CROCC2: variants seen among roughly 807,000 people sequenced by gnomAD.
The protein encoded by CROCC2 is ciliary rootlet coiled-coil, rootletin family member 2, also known as ciliary rootlet coiled-coil protein 2.
In CROCC2, 163 loss-of-function variants were observed where a neutral mutation model predicts 177.6. The ratio of observed to expected loss-of-function variants is 0.92; its 90% confidence interval spans 0.81 to 1.05. CROCC2 has a LOEUF of 1.05. Among genes scored for constraint, CROCC2 ranks in the 50% least tolerant of loss-of-function variants. The pLI, the probability that CROCC2 is intolerant of heterozygous loss-of-function variation, is 0.00. For synonymous variants in CROCC2, 904 were observed against 787.3 expected, an observed-to-expected ratio of 1.15 and a Z score of -2.48; for missense variants, 1,929 against 1,797.8, an observed-to-expected ratio of 1.07 and a Z score of -1.32.
chr2:240,944,835 C>A (rs1173862056), intron 14 of CROCC2, among the ~76,000 whole-genome samples: 1 of 152,106 alleles, frequency 6.6e-6, no homozygotes, highest in Non-Finnish European at 1.5e-5. Context: ...TAGGCCAGAT[C>A]TTGATTAGTC....
intron 5 of CROCC2, among the ~76,000 whole-genome samples, chr2:240,928,878 G>C (rs1426836977): frequency 6.7e-6 from 1 of 149,848 alleles, no homozygotes; most frequent in Non-Finnish European, 1.5e-5. Context: ...AGGGTGTATG[G>C]CCAGGTATGG....
In CROCC2 at chr2:240,964,571, G is replaced by A. The variant is rs1304775609; in HGVS notation, c.3411G>A (p.Glu1137=). The A allele has an allele frequency of 1.3e-6, 2 of 1,549,568 alleles. No homozygotes were observed. The highest frequency in any genetic ancestry group is 1.4e-5 in the African/African-American group (1 of 73,032). Residue 1137 remains glutamate (E), a synonymous_variant, in exon 22 of 32, where the codon GAG becomes GAA. Coordinates refer to ENST00000690015, the MANE Select transcript of CROCC2 (RefSeq NM_001351305.2). ...GTGCACTGCGGGCCCACCTGTGGGA[G>A]CTGGAGCAGGCAGGGGGGGACGCCC... The part of the protein sequence containing the change: ...EASALRAHLW[E]LEQAGGDARQ...
rs1191419420 is a variant in CROCC2, at chr2:240,918,506, GTCC to G, written c.79-214_79-212del. On this transcript the variant is annotated intron_variant, in intron 1 of 31. Transcript: ENST00000690015. This position sits in a 1 kb window ranked among gnomAD's most constrained non-coding sequence, Gnocchi z 6.3. Reference sequence around the variant, plus strand: ...CTCCTGCTGACCTCGGCTGGGTGTGGTCCTCCTCTCCAGAACCTGGGGACAGGC... The same window carrying G: ...CTCCTGCTGACCTCGGCTGGGTGTGGTCCTCTCCAGAACCTGGGGACAGGC... Among the ~76,000 whole-genome samples, 1 of 152,194 alleles carries G rather than the reference GTCC, an allele frequency of 6.6e-6. No individual in the cohort carries two copies. The highest frequency in any genetic ancestry group is 2.4e-5 in the African/African-American group (1 of 41,442).
At chr2:240,939,063 GCCATACTT>G (rs2059483689) in intron 14 of CROCC2, among the ~76,000 whole-genome samples, 1 of 152,038 alleles carries the variant, frequency 6.6e-6, no homozygotes, top group South Asian at 2.1e-4. Flanking sequence ...GGTGAGAGTG[GCCATACTT>G]CCACCCAAGG....
chr2:240,968,058 A>G (rs940049446), intron 26 of CROCC2, 71 bp from the exon 27 acceptor site: 5 of 1,341,024 alleles, frequency 3.7e-6, no homozygotes, highest in Non-Finnish European at 4.8e-6. Context: ...AAGTCCACAG[A>G]GCCCTGCATT....
chr2:240,961,122 G>A (rs540620914), intron 20 of CROCC2, among the ~76,000 whole-genome samples: 1 of 152,136 alleles, frequency 6.6e-6, no homozygotes, highest in Non-Finnish European at 1.5e-5. Flanking sequence ...AGCAGAGCCC[G>A]TGCAGGCGCC....
chr2:240,959,390 C>T lies in CROCC2; in HGVS notation c.3033C>T (p.Ala1011=). 6.4e-7 allele frequency: 1 copy of T among 1,550,488 alleles called. No homozygotes were observed. Residue 1011 remains alanine, a synonymous_variant, in exon 20 of 32, where the codon GCC becomes GCT. Coordinates refer to ENST00000690015, the MANE Select transcript of CROCC2 (RefSeq NM_001351305.2). ...CAGCCCATCAGAGGGAGACCACGGCCCTACGCGAGAGCCTCCAGGACCTAG... is the reference window on the plus strand; with the variant it reads ...CAGCCCATCAGAGGGAGACCACGGCTCTACGCGAGAGCCTCCAGGACCTAG... ...AITAHQRETT[A]LRESLQDLAA...
At chr2:240,959,470 T>C in intron 20 of CROCC2, 26 bp downstream of exon 20, 1 of 1,546,738 alleles carries the variant, frequency 6.5e-7, no homozygotes, top group Non-Finnish European at 8.7e-7. Context: ...GGGGGGCTCC[T>C]GGGGATGCCA....
chr2:240,920,737 G>A (rs1190584153), intron 3 of CROCC2, among the ~76,000 whole-genome samples: 1 of 152,204 alleles, frequency 6.6e-6, no homozygotes, highest in Non-Finnish European at 1.5e-5. Context: ...TGAGCAAGAG[G>A]CATATTTAGT....
At chr2:240,988,933 A>G in intron 29 of CROCC2, 63 bp downstream of exon 29, 1 of 1,336,100 alleles carries the variant, frequency 7.5e-7, no homozygotes. Flanking sequence ...GGTGGGATCC[A>G]GGAGGGTGTC....
intron 14 of CROCC2, among the ~76,000 whole-genome samples, chr2:240,936,867 C>T (rs748740383): frequency 7.2e-5 from 11 of 152,154 alleles, no homozygotes; most frequent in Non-Finnish European, 1.6e-4. Flanking sequence ...GATTTGTGTC[C>T]CCACCCAAAT....
intron 6 of CROCC2, among the ~76,000 whole-genome samples, 198 bp from the exon 7 acceptor site, chr2:240,930,733 A>G (rs2059423597): frequency 6.6e-6 from 1 of 152,070 alleles, no homozygotes; most frequent in African/African-American, 2.4e-5. Context: ...TGAAGTGTGC[A>G]ACCTGGTCCT....
intron 14 of CROCC2, among the ~76,000 whole-genome samples, chr2:240,940,905 C>T (rs2059491449): frequency 6.6e-6 from 1 of 152,122 alleles, no homozygotes; most frequent in South Asian, 2.1e-4. Flanking sequence ...GGAAGTCAAA[C>T]TCTCACTGTT....
intron 27 of CROCC2, among the ~76,000 whole-genome samples, chr2:240,969,674 A>T (rs889606805): frequency 6.6e-6 from 1 of 152,236 alleles, no homozygotes; most frequent in African/African-American, 2.4e-5. Context: ...TGTCTCCCAC[A>T]TGCATGCAGA....
chr2:240,968,214 G>C lies in CROCC2; in HGVS notation c.4353G>C (p.Glu1451Asp). ...AGGCGCTCCGCAGGCTGGAGTTGGA[G>C]CACCTGGCGAGCGTGCGTGCGGCAG... ...QKEALRRLEL[E>D]HLASVRAAGQ... The change falls in exon 27 of 32, where the codon GAG (glutamate) becomes GAC (aspartate). Residue 1451 changes from glutamate to aspartate, a missense_variant. By Grantham distance (45) the Glu-to-Asp change is conservative. This residue lies in a region of CROCC2 where 388 missense variants were observed against 352.7 expected (regional missense o/e 1.10). Coordinates refer to ENST00000690015, the MANE Select transcript of CROCC2 (RefSeq NM_001351305.2). The C allele has an allele frequency of 6.5e-7, 1 of 1,533,290 alleles. No homozygotes were observed. The highest frequency in any genetic ancestry group is 1.2e-5 in the South Asian group (1 of 83,860). 95.0% of individuals were successfully genotyped at this position (1,533,290 alleles called of 1,614,324 possible). A position where few individuals can be genotyped will look rare whatever the true frequency, so the allele number is the denominator to read the frequency against.
intron 22 of CROCC2, among the ~76,000 whole-genome samples, 166 bp downstream of exon 22, chr2:240,964,791 G>T (rs950761187): frequency 2.6e-5 from 4 of 152,188 alleles, no homozygotes; most frequent in Non-Finnish European, 5.9e-5. Flanking sequence ...TCCCTGGTTG[G>T]GTCTGTCCCC....
rs1346750398 is a variant in CROCC2, at chr2:240,934,899, C to T, written c.1792-17C>T. ...GAAGCTGAAGGTCCCTCCCTGGCAT[C>T]CCCCTCCCTGCCCCAGGCCGAGTGC... On this transcript the variant is annotated splice_polypyrimidine_tract_variant and intron_variant, in intron 12 of 31. Coordinates refer to ENST00000690015, the MANE Select transcript of CROCC2 (RefSeq NM_001351305.2). The T allele has an allele frequency of 6.7e-7, 1 of 1,484,592 alleles. No homozygotes were observed. Among genetic ancestry groups the T allele is most frequent in the Non-Finnish European group, 8.9e-7 (1 of 1,118,470 alleles). 92.0% of individuals were successfully genotyped at this position (1,484,592 alleles called of 1,614,324 possible).
chr2:240,955,844 C>A lies in CROCC2; in HGVS notation c.2830-15C>A. ...ACTCCCCAACTTTCTCACAAGCATA[C>A]CCCGTCCTGTTCAGGCCCTGTCCCT... On this transcript the variant is annotated splice_polypyrimidine_tract_variant and intron_variant, in intron 18 of 31. Coordinates refer to ENST00000690015, the MANE Select transcript of CROCC2 (RefSeq NM_001351305.2). 2.0e-6 allele frequency: 3 copies of A among 1,525,832 alleles called. No individual in the cohort carries two copies. The highest frequency in any genetic ancestry group is 1.2e-5 in the South Asian group (1 of 83,808). The allele number at this position is 1,525,832 out of a possible 1,614,324, so 94.5% of individuals were successfully genotyped here.
chr2:240,967,618 G>C (rs980374504), intron 26 of CROCC2, 153 bp downstream of exon 26: 21 of 980,244 alleles, frequency 2.1e-5, no homozygotes, highest in Non-Finnish European at 2.5e-5. Flanking sequence ...CAGGCCTGGC[G>C]AGGCTGGGTC....
Sources: allele counts gnomAD v4.1 joint callset (sites outside exome capture counted in the v4.1 genomes callset), GRCh38; gene constraint gnomAD v4.1.1; regional missense constraint gnomAD v4.1.1; non-coding constraint Gnocchi (gnomAD v3.1); transcripts MANE v1.5; gene names NCBI Gene and HGNC (gene_info 2026-07-23, HGNC 2026-07-21).